CBLN2: variants seen among roughly 807,000 people sequenced by gnomAD.
The protein encoded by CBLN2 is cerebellin 2 precursor.
A neutral mutation model predicts 15.0 loss-of-function variants in CBLN2; 7 were observed. That is an observed-to-expected ratio of 0.47 (90% CI 0.27 to 0.88). The LOEUF (loss-of-function observed/expected upper bound fraction) is 0.88, where lower values mean the gene tolerates loss of function less well. CBLN2 is among the 40% of genes least tolerant of loss of function. The pLI is 0.14. For synonymous variants in CBLN2, 149 were observed against 135.2 expected (o/e 1.10, Z -0.71); for missense variants, 242 against 304.5 (o/e 0.79, Z 1.53).
chr18:72,605,160 C>G (rs1289295142), intron 1 of CBLN2, among the ~76,000 whole-genome samples: 2 of 152,160 alleles, frequency 1.3e-5, no homozygotes, highest in East Asian at 3.9e-4. Flanking sequence ...ATTGAATTTA[C>G]AGTCAACCAA....
chr18:72,611,297 A>C (rs1038394914), intron 1 of CBLN2, among the ~76,000 whole-genome samples: 1 of 152,128 alleles, frequency 6.6e-6, no homozygotes, highest in Non-Finnish European at 1.5e-5. Context: ...GTTTTCTTTT[A>C]AATTATTTGA....
chr18:72,609,956 C>T (rs1429549486), intron 1 of CBLN2, among the ~76,000 whole-genome samples: 1 of 152,142 alleles, frequency 6.6e-6, no homozygotes, highest in East Asian at 1.9e-4. Context: ...ACGCCTGTCT[C>T]ACTGAAACTC....
intron 1 of CBLN2, among the ~76,000 whole-genome samples, chr18:72,578,233 A>G (rs1318346801): frequency 6.6e-6 from 1 of 152,238 alleles, no homozygotes; most frequent in Non-Finnish European, 1.5e-5. Context: ...TACAAGTGTT[A>G]CCATTTTAAC....
chr18:72,615,172 T>A, intron 1 of CBLN2, among the ~76,000 whole-genome samples: 2 of 133,202 alleles, frequency 1.5e-5, no homozygotes, highest in Non-Finnish European at 3.2e-5. Context: ...TATATAAATA[T>A]ATATTTATAT....
intron 1 of CBLN2, among the ~76,000 whole-genome samples, chr18:72,609,967 G>T (rs9965968): frequency 6.6e-6 from 1 of 151,988 alleles, no homozygotes; most frequent in African/African-American, 2.4e-5. Flanking sequence ...ACTGAAACTC[G>T]CTGCCATCCT....
At chr18:72,631,042 C>G (rs1341469229) in intron 1 of CBLN2, 2 of 152,166 alleles carry the variant, frequency 1.3e-5, no homozygotes, top group African/African-American at 4.8e-5. Context: ...GCCTCTCTCT[C>G]TCTAAGAAAA....
rs1001502137 is a variant in CBLN2, at chr18:72,596,200, G to A, written c.15+42125C>T. Among the ~76,000 whole-genome samples, 16 of 151,562 alleles carry A rather than the reference G, an allele frequency of 1.1e-4. No individual in the cohort carries two copies. The East Asian group carries it at 1.7e-3, about 17-fold the overall frequency. The stretch of plus-strand genomic sequence containing the variant: ...ATATGTTGTATATTTTTTGATTTGC[G>A]GTTACATGAAGCTTGCAAATAATAT... On this transcript the variant is annotated intron_variant, in intron 1 of 2. Transcript: ENST00000581073.
At chr18:72,563,758 G>A (rs2069276558) in intron 1 of CBLN2, among the ~76,000 whole-genome samples, 1 of 152,182 alleles carries the variant, frequency 6.6e-6, no homozygotes, top group Non-Finnish European at 1.5e-5. Context: ...CATGAACAGA[G>A]TCCAGCAATT....
upstream of CBLN2, among the ~76,000 whole-genome samples, chr18:72,547,520 T>C (rs1376370818): frequency 6.6e-6 from 1 of 152,200 alleles, no homozygotes; most frequent in Non-Finnish European, 1.5e-5. Flanking sequence ...CAGTAATATG[T>C]AGCTAAAGCA....
chr18:72,635,765 A>G (rs4892021), intron 1 of CBLN2, among the ~76,000 whole-genome samples: 31,145 of 151,960 alleles, frequency 0.2, 3,822 homozygotes, highest in East Asian at 0.57. Context: ...GAAAAAATGA[A>G]TTCATTAGGT....
intron 1 of CBLN2, among the ~76,000 whole-genome samples, chr18:72,621,573 A>AT (rs1221887015): frequency 2.6e-5 from 4 of 152,160 alleles, no homozygotes; most frequent in Non-Finnish European, 5.9e-5. Context: ...CTATTCAATT[A>AT]TTTTTTAAAA....
chr18:72,606,307 C>T (rs1195103266), intron 1 of CBLN2, among the ~76,000 whole-genome samples: 1 of 152,172 alleles, frequency 6.6e-6, no homozygotes, highest in Non-Finnish European at 1.5e-5. Context: ...TATACATTTT[C>T]TTTTCCACTA....
At chr18:72,633,810 G>A (rs973553867) in intron 1 of CBLN2, among the ~76,000 whole-genome samples, 2 of 151,950 alleles carry the variant, frequency 1.3e-5, no homozygotes, top group East Asian at 1.9e-4. Context: ...TCTTTACTTC[G>A]AAATTCATTT....
intron 4 of CBLN2, 58 bp from the exon 5 acceptor site, chr18:72,538,431 T>G: frequency 1.3e-6 from 2 of 1,576,136 alleles, no homozygotes; most frequent in Non-Finnish European, 1.7e-6. Flanking sequence ...CCACACACTG[T>G]TCTCTCCTTT....
At chr18:72,561,781 T>G (rs943890623) in intron 1 of CBLN2, among the ~76,000 whole-genome samples, 1 of 152,148 alleles carries the variant, frequency 6.6e-6, no homozygotes, top group Non-Finnish European at 1.5e-5. Flanking sequence ...CAATTTTCCC[T>G]CTGTCCGTGC....
chr18:72,566,065 AT>A (rs2069293140), intron 1 of CBLN2, among the ~76,000 whole-genome samples: 1 of 152,238 alleles, frequency 6.6e-6, no homozygotes, highest in Non-Finnish European at 1.5e-5. Flanking sequence ...TATACAAAAA[AT>A]GCTAAAAGTC....
At chr18:72,621,181 G>A (rs1202153476) in intron 1 of CBLN2, among the ~76,000 whole-genome samples, 1 of 152,094 alleles carries the variant, frequency 6.6e-6, no homozygotes, top group African/African-American at 2.4e-5. Flanking sequence ...ATAATTCTAG[G>A]TATTTAAGTA....
At position 72,543,538 on chromosome 18, in the gene CBLN2, G is replaced by A. The variant is rs568834638; in HGVS notation, c.-211-8C>T. ...GCTGTCCGCGAAGTTGCTCTGCTTA[G>A]AGAAAATGAGGCGAGTGGGAGCTGT... is the stretch of plus-strand genomic sequence containing the variant. On this transcript the variant is annotated splice_polypyrimidine_tract_variant and splice_region_variant and intron_variant, in intron 1 of 4. Coordinates refer to ENST00000269503, the MANE Select transcript of CBLN2 (RefSeq NM_182511.4). This position sits in a 1 kb window ranked among gnomAD's most constrained non-coding sequence, Gnocchi z 6.8. 174 of 398,492 alleles carry A rather than the reference G, an allele frequency of 4.4e-4. 2 individuals carry two copies. The East Asian group carries it at 6.0e-3, about 14-fold the overall frequency. The allele number at this position is 398,492 out of a possible 1,614,324, so 24.7% of individuals were successfully genotyped here.
intron 1 of CBLN2, among the ~76,000 whole-genome samples, chr18:72,615,644 A>G (rs1430964343): frequency 6.6e-6 from 1 of 152,146 alleles, no homozygotes; most frequent in Admixed American, 6.5e-5. Context: ...TGCTTTTAAT[A>G]ATACTGCAAT....
Sources: allele counts gnomAD v4.1 joint callset (sites outside exome capture counted in the v4.1 genomes callset), GRCh38; gene constraint gnomAD v4.1.1; non-coding constraint Gnocchi (gnomAD v3.1); transcripts MANE v1.5; gene names NCBI Gene and HGNC (gene_info 2026-07-23, HGNC 2026-07-21).